Variants in TAS2R1 observed in about 807,000 individuals in gnomAD.
The protein encoded by TAS2R1 is taste 2 receptor member 1, also known as taste receptor type 2 member 1.
For missense variants in TAS2R1, 370 were observed against 353.4 expected (o/e 1.05, Z -0.38); for synonymous variants, 141 against 134.2 (o/e 1.05, Z -0.35).
rs1482154664 is a variant in TAS2R1 at position 9,685,057 on chromosome 5, T to C, written c.-241-25476A>G. ...CTCACACAGGTCCAGTCAGTATTTG[T>C]TGATGGAGGCTGAATTCATAAGCCC... On this transcript the variant is annotated intron_variant, in intron 1 of 2. Coordinates refer to the TAS2R1 transcript ENST00000506620. 3.3e-5 allele frequency among the ~76,000 whole-genome samples: 5 copies of C among 152,126 alleles called. No homozygotes were observed. The East Asian group carries it at 7.7e-4, about 23-fold the overall frequency.
rs1739838176 is a variant in TAS2R1, at chr5:9,629,871, A to G, written c.162T>C (p.Ser54=). The G allele has an allele frequency of 4.3e-6, 7 of 1,613,822 alleles. No homozygotes were observed. In the East Asian group the frequency reaches 1.6e-4, roughly 36 times the overall value. The change falls in exon 1 of 1, where the codon TCT becomes TCC. Residue 54 remains serine, a synonymous_variant. Transcript: ENST00000382492. ...AGATGAACAACTGCAGAAAAATTCTAGAAACTGCCAGACAAGAAAGAAGGA... is the reference window on the plus strand; with the variant it reads ...AGATGAACAACTGCAGAAAAATTCTGGAAACTGCCAGACAAGAAAGAAGGA... ...LDLLLSCLAV[S]RIFLQLFIFY...
chr5:9,879,342 T>G, the TAS2R1 span, among the ~76,000 whole-genome samples: 1 of 152,214 alleles, frequency 6.6e-6, no homozygotes, highest in Admixed American at 6.5e-5. Context: ...CTCTGATCCC[T>G]GGGTGTCAGG....
At chr5:9,662,531 T>A (rs1350395058) in intron 1 of TAS2R1, among the ~76,000 whole-genome samples, 1 of 152,170 alleles carries the variant, frequency 6.6e-6, no homozygotes, top group Non-Finnish European at 1.5e-5. Context: ...TATGGCCACA[T>A]CTAACTCCAG....
chr5:9,796,862 C>G, the TAS2R1 span, among the ~76,000 whole-genome samples: 6 of 152,118 alleles, frequency 3.9e-5, no homozygotes, highest in Non-Finnish European at 7.4e-5. Context: ...AAAAGCCCTA[C>G]TTCAAACTGT....
At chr5:9,654,319 T>C (rs1459878841) in intron 2 of TAS2R1, among the ~76,000 whole-genome samples, 2 of 152,168 alleles carry the variant, frequency 1.3e-5, no homozygotes, top group Non-Finnish European at 2.9e-5. Flanking sequence ...TGTTATTTTC[T>C]TGGGCAAAAA....
the TAS2R1 span, among the ~76,000 whole-genome samples, chr5:9,725,834 G>A: frequency 6.6e-6 from 1 of 152,232 alleles, no homozygotes; most frequent in East Asian, 1.9e-4. Flanking sequence ...TCTAGTTAAG[G>A]GATTATAAAT....
At chr5:9,851,332 G>A in the TAS2R1 span, among the ~76,000 whole-genome samples, 1 of 152,168 alleles carries the variant, frequency 6.6e-6, no homozygotes, top group Non-Finnish European at 1.5e-5. Context: ...ACAGTGGTGG[G>A]AGCAGCCAAC....
the TAS2R1 span, among the ~76,000 whole-genome samples, chr5:9,844,788 C>T: frequency 2.0e-5 from 3 of 152,084 alleles, no homozygotes; most frequent in Non-Finnish European, 2.9e-5. Flanking sequence ...AATCAAAGAG[C>T]TTTCTAAATC....
chr5:9,753,372 C>A, the TAS2R1 span, among the ~76,000 whole-genome samples: 1 of 152,166 alleles, frequency 6.6e-6, no homozygotes, highest in Non-Finnish European at 1.5e-5. Flanking sequence ...TGTTCATATC[C>A]TTTGCCCACT....
At chr5:9,719,849 C>T in the TAS2R1 span, among the ~76,000 whole-genome samples, 6,148 of 139,350 alleles carry the variant, frequency 0.044, 408 homozygotes, top group African/African-American at 0.15. Flanking sequence ...ACCTGGGAGG[C>T]GGAGCTTGCA....
the TAS2R1 span, among the ~76,000 whole-genome samples, chr5:9,873,902 G>A: frequency 6.9e-6 from 1 of 144,806 alleles, no homozygotes; most frequent in Non-Finnish European, 1.5e-5. Flanking sequence ...GAGGGAAGAG[G>A]ACGGGGAAAA....
At chr5:9,861,242 CTGGCCGTATTTCCCACCA>C in the TAS2R1 span, among the ~76,000 whole-genome samples, 1 of 151,940 alleles carries the variant, frequency 6.6e-6, no homozygotes, top group Non-Finnish European at 1.5e-5. Context: ...CACTCTGCAG[CTGGCCGTATTTCCCACCA>C]TTCCTTTATG....
the TAS2R1 span, among the ~76,000 whole-genome samples, chr5:9,770,623 T>C: frequency 6.6e-6 from 1 of 152,182 alleles, no homozygotes; most frequent in African/African-American, 2.4e-5. Flanking sequence ...ACTTATTTTA[T>C]TACATTAATT....
the TAS2R1 span, among the ~76,000 whole-genome samples, chr5:9,828,185 GCA>G: frequency 9.1e-4 from 139 of 152,186 alleles, no homozygotes; most frequent in Non-Finnish European, 1.6e-3. Flanking sequence ...GAGTGCCATG[GCA>G]CAGTCTCAGC....
the TAS2R1 span, among the ~76,000 whole-genome samples, chr5:9,793,604 G>T: frequency 6.6e-6 from 1 of 152,332 alleles, no homozygotes; most frequent in African/African-American, 2.4e-5. Flanking sequence ...GCAGTTCTCA[G>T]TCAAGGACCA....
the TAS2R1 span, among the ~76,000 whole-genome samples, chr5:9,896,653 A>ATT: frequency 6.6e-6 from 1 of 152,208 alleles, no homozygotes; most frequent in Non-Finnish European, 1.5e-5. Context: ...CCCCAAAAAC[A>ATT]AGGGCTAAAG....
chr5:9,697,137 C>T (rs968408982), intron 1 of TAS2R1, among the ~76,000 whole-genome samples: 2 of 151,666 alleles, frequency 1.3e-5, no homozygotes, highest in African/African-American at 4.8e-5. Flanking sequence ...GCAAGGGAAG[C>T]CTTTTAATTT....
At chr5:9,850,677 C>T in the TAS2R1 span, among the ~76,000 whole-genome samples, 2 of 152,200 alleles carry the variant, frequency 1.3e-5, no homozygotes, top group African/African-American at 4.8e-5. Context: ...TTGAAATTGC[C>T]CTGCCCCATC....
At chr5:9,875,539 T>G in the TAS2R1 span, among the ~76,000 whole-genome samples, 1 of 152,198 alleles carries the variant, frequency 6.6e-6, no homozygotes. Context: ...CACAGGTTCA[T>G]CACACAGTAC....
Sources: gnomAD v4.1 joint callset for allele counts (sites outside exome capture counted in the v4.1 genomes callset) on GRCh38, gnomAD v4.1.1 for gene constraint, MANE v1.5 for transcripts, NCBI Gene and HGNC (gene_info 2026-07-23, HGNC 2026-07-21) for gene names.